Variants in CSMD1 observed in about 807,000 individuals in gnomAD.
CSMD1 encodes the protein CUB and sushi domain-containing protein 1.
A neutral mutation model predicts 417.5 loss-of-function variants in CSMD1; 213 were observed. The observed-to-expected ratio is 0.51, with a 90% CI of 0.46 to 0.57. The LOEUF (loss-of-function observed/expected upper bound fraction) is 0.57. Among genes scored for constraint, CSMD1 ranks in the 20% least tolerant of loss-of-function variants. The pLI is 0.00. For missense variants in CSMD1, 6,923 were observed against 4,529.7 expected, an observed-to-expected ratio of 1.53 and a Z score of -15.17; for synonymous variants, 2,862 against 1,736.8, an observed-to-expected ratio of 1.65 and a Z score of -16.11.
intron 2 of CSMD1, 122 bp from the exon 3 acceptor site, chr8:4,420,187 C>T: frequency 1.7e-6 from 1 of 599,434 alleles, no homozygotes; most frequent in Non-Finnish European, 3.0e-6. Flanking sequence ...TGGCATTAAA[C>T]ACTTAGATAA....
Position 3,711,377 on chromosome 8 carries a change from G to C in CSMD1, c.932-2886C>G, listed in dbSNP as rs141614507. Among the ~76,000 whole-genome samples, 107 of 152,272 alleles carry C rather than the reference G, an allele frequency of 7.0e-4. 1 individual carries two copies. The South Asian group carries it at 0.016, about 23-fold the overall frequency. On this transcript the variant is annotated intron_variant, in intron 6 of 69. Transcript: ENST00000635120. ...AGGAAGGGCTGGCCAGAGGGTGGCT[G>C]TTCATCTTCAGCCCGTTTCAGAGAA...
intron 23 of CSMD1, among the ~76,000 whole-genome samples, chr8:3,313,820 C>G (rs546138367): frequency 6.6e-6 from 1 of 152,126 alleles, no homozygotes; most frequent in Non-Finnish European, 1.5e-5. Flanking sequence ...AACATGCACA[C>G]GTATGTTTAT....
intron 37 of CSMD1, among the ~76,000 whole-genome samples, chr8:3,164,151 T>C (rs1820069667): frequency 6.6e-6 from 1 of 152,154 alleles, no homozygotes; most frequent in Non-Finnish European, 1.5e-5. Context: ...AGTACCGTGA[T>C]TGTTCATTTG....
At chr8:4,965,984 T>C (rs1256017555) in intron 1 of CSMD1, among the ~76,000 whole-genome samples, 1 of 152,162 alleles carries the variant, frequency 6.6e-6, no homozygotes, top group Non-Finnish European at 1.5e-5. Flanking sequence ...TTAATCCTCA[T>C]ATCCAGAATG....
At chr8:3,520,836 A>G (rs1797477645) in intron 10 of CSMD1, among the ~76,000 whole-genome samples, 1 of 152,128 alleles carries the variant, frequency 6.6e-6, no homozygotes, top group Non-Finnish European at 1.5e-5. Flanking sequence ...CACCTCAAAT[A>G]CAACCTCTCC....
Position 3,343,404 on chromosome 8 carries a change from G to C in CSMD1, c.3521C>G (p.Thr1174Ser). Residue 1174 changes from threonine to serine, a missense_variant, in exon 23 of 70, where the codon ACT becomes AGT. By Grantham distance (58) the Thr-to-Ser change is moderately conservative. Coordinates refer to ENST00000635120, the MANE Select transcript of CSMD1 (RefSeq NM_033225.6). ...DSSSRPLGTFTKNELLGLILN... is the reference protein window; with the variant it reads ...DSSSRPLGTFSKNELLGLILN... ...GATCAGCCCCAGAAGTTCATTTTTA[G>C]TGAACGTGCCCAGTGGACGTGAGGA... 6.2e-7 allele frequency: 1 copy of C among 1,613,782 alleles called. No individual in the cohort carries two copies. Among genetic ancestry groups the C allele is most frequent in the Non-Finnish European group, 8.5e-7 (1 of 1,179,736 alleles).
intron 3 of CSMD1, among the ~76,000 whole-genome samples, chr8:4,096,644 C>G (rs895997377): frequency 6.6e-6 from 1 of 152,128 alleles, no homozygotes; most frequent in African/African-American, 2.4e-5. Flanking sequence ...AAAATCTTTA[C>G]TAAGATATTT....
At chr8:3,035,171 A>G (rs1282963531) in intron 50 of CSMD1, among the ~76,000 whole-genome samples, 3 of 152,186 alleles carry the variant, frequency 2.0e-5, no homozygotes, top group African/African-American at 7.2e-5. Context: ...CCTAAGATAC[A>G]GGGCTGTTCC....
intron 1 of CSMD1, among the ~76,000 whole-genome samples, chr8:4,700,883 G>A (rs893593060): frequency 1.6e-4 from 24 of 152,292 alleles, no homozygotes; most frequent in African/African-American, 5.8e-4. Flanking sequence ...CAGTGCTCCT[G>A]TTACATGGAG....
chr8:4,198,589 T>C (rs570795751), intron 3 of CSMD1, among the ~76,000 whole-genome samples: 3 of 152,130 alleles, frequency 2.0e-5, no homozygotes, highest in East Asian at 3.9e-4. Context: ...TTCAGCGCCT[T>C]TGATTTTAAC....
chr8:4,295,787 T>TAC lies in CSMD1; in HGVS notation c.415+124164_415+124165dup, dbSNP rs1286614822. On this transcript the variant is annotated intron_variant, in intron 3 of 69. Coordinates refer to ENST00000635120, the MANE Select transcript of CSMD1 (RefSeq NM_033225.6). Reference sequence around the variant, plus strand: ...ATATATATATATATATATATATATATACACACACACATCTTGAGAGAAAAT... The same window carrying TAC: ...ATATATATATATATATATATATATATACACACACACACATCTTGAGAGAAAAT... Among the ~76,000 whole-genome samples the TAC allele has an allele frequency of 2.7e-4, 4 of 14,932 alleles. 1 individual carries two copies. Among genetic ancestry groups the TAC allele is most frequent in the African/African-American group, 9.5e-4 (4 of 4,222 alleles). 9.8% of individuals were successfully genotyped at this position (14,932 alleles called of 152,430 possible). A position where few individuals can be genotyped will look rare whatever the true frequency, so the allele number is the denominator to read the frequency against.
chr8:4,462,715 G>A (rs532769705), intron 2 of CSMD1, among the ~76,000 whole-genome samples: 1 of 152,104 alleles, frequency 6.6e-6, no homozygotes, highest in Non-Finnish European at 1.5e-5. Context: ...TTTTTGACAA[G>A]ATGCCAAAAC....
chr8:3,589,578 T>C (rs12680864), intron 8 of CSMD1, among the ~76,000 whole-genome samples: 16 of 151,780 alleles, frequency 1.1e-4, no homozygotes, highest in East Asian at 7.8e-4. Context: ...CTGGAAAAAA[T>C]AGAACTCCCA....
chr8:3,820,214 G>T (rs1339890304), intron 5 of CSMD1, among the ~76,000 whole-genome samples: 1 of 152,082 alleles, frequency 6.6e-6, no homozygotes, highest in African/African-American at 2.4e-5. Context: ...TGTTTGTTGA[G>T]GTCAGGGGTC....
At chr8:3,425,620 G>GA (rs1239510482) in intron 12 of CSMD1, among the ~76,000 whole-genome samples, 58 of 149,096 alleles carry the variant, frequency 3.9e-4, no homozygotes, top group African/African-American at 1.2e-3. Flanking sequence ...AAGAAAAAAG[G>GA]AAAAAAAAGG....
At chr8:4,905,638 T>C (rs11778656) in intron 1 of CSMD1, among the ~76,000 whole-genome samples, 1 of 151,474 alleles carries the variant, frequency 6.6e-6, no homozygotes, top group Non-Finnish European at 1.5e-5. Context: ...GCTAACACGG[T>C]GAAACCCCGT....
intron 3 of CSMD1, among the ~76,000 whole-genome samples, chr8:4,265,171 G>C (rs917484172): frequency 6.6e-6 from 1 of 151,988 alleles, no homozygotes. Context: ...ATAAATAGTG[G>C]AACCTGTTTC....
intron 1 of CSMD1, among the ~76,000 whole-genome samples, chr8:4,821,996 T>C (rs1036991751): frequency 6.6e-6 from 1 of 152,066 alleles, no homozygotes; most frequent in Non-Finnish European, 1.5e-5. Context: ...TCCTCTGTAA[T>C]GCAATGACTT....
chr8:4,262,336 T>G (rs976612395), intron 3 of CSMD1, among the ~76,000 whole-genome samples: 5 of 152,166 alleles, frequency 3.3e-5, no homozygotes, highest in African/African-American at 7.2e-5. Flanking sequence ...CTTTTTTTCA[T>G]TTCTGCAATC....
Sources: gnomAD v4.1 joint callset for allele counts (sites outside exome capture counted in the v4.1 genomes callset) on GRCh38, gnomAD v4.1.1 for gene constraint, MANE v1.5 for transcripts, NCBI Gene and HGNC (gene_info 2026-07-23, HGNC 2026-07-21) for gene names.